Variants in GNAQ observed in about 807,000 individuals in gnomAD.
GNAQ encodes the protein guanine nucleotide-binding protein G(q) subunit alpha.
Under a neutral mutation model 43.9 loss-of-function variants are expected in GNAQ, and 8 were observed. The observed-to-expected ratio is 0.18, with a 90% CI of 0.11 to 0.33. The LOEUF is 0.33. GNAQ is among the 10% of genes least tolerant of loss of function. GNAQ has a pLI of 1.00. For synonymous variants in GNAQ, 155 were observed against 170.7 expected, an observed-to-expected ratio of 0.91 and a Z score of 0.71; for missense variants, 158 against 450.8, an observed-to-expected ratio of 0.35 and a Z score of 5.88.
chr9:77,894,724 A>G (rs1451446626), intron 2 of GNAQ, among the ~76,000 whole-genome samples: 2 of 151,844 alleles, frequency 1.3e-5, no homozygotes, highest in East Asian at 1.9e-4. Flanking sequence ...CCAGCCTTTA[A>G]TGGAATGTTT....
chr9:78,003,821 A>G (rs1164014365), intron 1 of GNAQ, among the ~76,000 whole-genome samples: 2 of 152,028 alleles, frequency 1.3e-5, no homozygotes, highest in African/African-American at 2.4e-5. Flanking sequence ...CTAAAAAAAA[A>G]AAAAAGAAAA....
chr9:77,770,529 T>A (rs527870518), intron 5 of GNAQ, among the ~76,000 whole-genome samples: 1 of 152,346 alleles, frequency 6.6e-6, no homozygotes, highest in South Asian at 2.1e-4. Context: ...CTCCCACTAG[T>A]GTTTTCTCGT....
intron 1 of GNAQ, among the ~76,000 whole-genome samples, chr9:77,934,661 G>A (rs1243767918): frequency 6.6e-6 from 1 of 152,084 alleles, no homozygotes; most frequent in Non-Finnish European, 1.5e-5. Context: ...ATACTAAGAA[G>A]GACTTATATA....
intron 1 of GNAQ, among the ~76,000 whole-genome samples, chr9:77,952,446 T>C (rs1052730745): frequency 1.3e-5 from 2 of 152,188 alleles, no homozygotes; most frequent in African/African-American, 2.4e-5. Context: ...AACAAAAATA[T>C]TGATGACACA....
intron 2 of GNAQ, among the ~76,000 whole-genome samples, chr9:77,904,873 GAC>G (rs111828488): frequency 0.045 from 6,896 of 152,010 alleles, 562 homozygotes; most frequent in African/African-American, 0.16. Flanking sequence ...TTTTAAAGGA[GAC>G]ACACGAAGAA....
At chr9:77,776,579 C>CA (rs1826309349) in intron 5 of GNAQ, among the ~76,000 whole-genome samples, 1 of 152,124 alleles carries the variant, frequency 6.6e-6, no homozygotes, top group African/African-American at 2.4e-5. Context: ...AATAGAGCCC[C>CA]AAAACACATG....
intron 2 of GNAQ, among the ~76,000 whole-genome samples, chr9:77,920,017 T>C (rs1828973066): frequency 6.6e-6 from 1 of 152,082 alleles, no homozygotes; most frequent in Non-Finnish European, 1.5e-5. Context: ...TGCACGCCTG[T>C]AGTCCCAGCT....
intron 2 of GNAQ, among the ~76,000 whole-genome samples, chr9:77,819,119 A>G (rs189735326): frequency 9.2e-5 from 14 of 152,088 alleles, no homozygotes; most frequent in Admixed American, 8.5e-4. Flanking sequence ...GTTAAAATAT[A>G]CTGGGTGGAA....
At chr9:77,841,164 A>G (rs1304722521) in intron 2 of GNAQ, among the ~76,000 whole-genome samples, 1 of 152,204 alleles carries the variant, frequency 6.6e-6, no homozygotes, top group Non-Finnish European at 1.5e-5. Context: ...AATTTTCGTA[A>G]TATTTTCTGC....
chr9:77,770,903 A>ATCAAAAATAAAACATTTTTCATTTTC (rs1826213045), intron 5 of GNAQ, among the ~76,000 whole-genome samples: 1 of 152,168 alleles, frequency 6.6e-6, no homozygotes, highest in African/African-American at 2.4e-5. Flanking sequence ...TTTTCAGATC[A>ATCAAAAATAAAACATTTTTCATTTTC]TGAAAAATAA....
intron 5 of GNAQ, among the ~76,000 whole-genome samples, chr9:77,780,152 G>C (rs1441995282): frequency 1.3e-5 from 2 of 151,626 alleles, no homozygotes; most frequent in African/African-American, 4.8e-5. Context: ...CCTCCTTCTA[G>C]GTATTTCAAA....
intron 3 of GNAQ, among the ~76,000 whole-genome samples, chr9:77,808,879 C>CA (rs1826870770): frequency 6.6e-6 from 1 of 150,582 alleles, no homozygotes; most frequent in African/African-American, 2.5e-5. Flanking sequence ...AAAAACAAAA[C>CA]AAAACAAAAC....
chr9:77,814,467 A>T (rs58482704), intron 3 of GNAQ, among the ~76,000 whole-genome samples: 16,612 of 152,200 alleles, frequency 0.11, 1,047 homozygotes, highest in South Asian at 0.19. Context: ...GGTGCTCATG[A>T]GCACTGTGTC....
chr9:77,935,908 G>T (rs1317673829), intron 1 of GNAQ, among the ~76,000 whole-genome samples: 2 of 152,076 alleles, frequency 1.3e-5, no homozygotes, highest in African/African-American at 4.8e-5. Context: ...AATAAATGCG[G>T]GTTTCCTTAC....
chr9:77,749,781 C>A (rs984430646), intron 5 of GNAQ, among the ~76,000 whole-genome samples: 1 of 152,142 alleles, frequency 6.6e-6, no homozygotes, highest in Non-Finnish European at 1.5e-5. Flanking sequence ...CATACTTTTC[C>A]TTACAACATG....
At chr9:77,822,607 A>G (rs1462888526) in intron 2 of GNAQ, among the ~76,000 whole-genome samples, 1 of 151,638 alleles carries the variant, frequency 6.6e-6, no homozygotes, top group Non-Finnish European at 1.5e-5. Flanking sequence ...AAAAATAAAA[A>G]GAACAAGCTT....
In GNAQ at chr9:78,031,388, G is replaced by T. The variant is rs991482632; in HGVS notation, c.-153C>A. On this transcript the variant is annotated 5_prime_UTR_variant, in exon 1 of 7. Transcript: ENST00000286548. The stretch of plus-strand genomic sequence containing the variant: ...GGGACGAGCTCCGGGAACCGCCGCG[G>T]GGGCGGCGGCCAGGGCCGGGGCCAC... The T allele has an allele frequency of 8.1e-5, 30 of 368,458 alleles. No homozygotes were observed. The highest frequency in any genetic ancestry group is 1.1e-4 in the Admixed American group (2 of 18,468). The allele number at this position is 368,458 out of a possible 1,614,324, so 22.8% of individuals were successfully genotyped here.
intron 3 of GNAQ, among the ~76,000 whole-genome samples, chr9:77,799,941 C>T (rs1056094991): frequency 6.6e-6 from 1 of 152,056 alleles, no homozygotes; most frequent in African/African-American, 2.4e-5. Context: ...GTGTGAAACA[C>T]AGAAAGGAAA....
chr9:78,006,873 T>A (rs973314620), intron 1 of GNAQ, among the ~76,000 whole-genome samples: 2 of 152,206 alleles, frequency 1.3e-5, no homozygotes, highest in African/African-American at 4.8e-5. Context: ...TCTTGGCCTG[T>A]CAGGAGTTCA....
Sources: gnomAD v4.1 joint callset for allele counts (sites outside exome capture counted in the v4.1 genomes callset) on GRCh38, gnomAD v4.1.1 for gene constraint, MANE v1.5 for transcripts, NCBI Gene and HGNC (gene_info 2026-07-23, HGNC 2026-07-21) for gene names.